Variants in C1orf21 observed in about 807,000 individuals in gnomAD.
C1orf21 encodes the protein chromosome 1 open reading frame 21.
A neutral mutation model predicts 18.7 loss-of-function variants in C1orf21; 3 were observed. The ratio of observed to expected loss-of-function variants is 0.16; its 90% confidence interval spans 0.07 to 0.42. C1orf21 has a LOEUF of 0.42. Among genes scored for constraint, C1orf21 ranks in the 10% least tolerant of loss-of-function variants. The pLI is 0.99. For synonymous variants in C1orf21, 41 were observed against 46.4 expected, an observed-to-expected ratio of 0.88 and a Z score of 0.47; for missense variants, 104 against 143.6, an observed-to-expected ratio of 0.72 and a Z score of 1.41.
chr1:184,414,413 T>C (rs1656414096), intron 1 of C1orf21, among the ~76,000 whole-genome samples: 1 of 152,176 alleles, frequency 6.6e-6, no homozygotes, highest in Non-Finnish European at 1.5e-5. Context: ...TAGGTGTAAG[T>C]CACTATGCTC....
intron 1 of C1orf21, among the ~76,000 whole-genome samples, chr1:184,409,241 T>C (rs144919878): frequency 2.6e-5 from 4 of 152,278 alleles, no homozygotes; most frequent in African/African-American, 9.6e-5. Flanking sequence ...GCCCAGAAAA[T>C]CTGCTGTTTG....
chr1:184,479,702 C>T (rs969240025), intron 2 of C1orf21, among the ~76,000 whole-genome samples: 1 of 146,932 alleles, frequency 6.8e-6, no homozygotes, highest in Non-Finnish European at 1.5e-5. Context: ...TCACTGCTGC[C>T]TTGACTTCCT....
chr1:184,580,268 G>C (rs1056593371), intron 3 of C1orf21, among the ~76,000 whole-genome samples: 1 of 152,136 alleles, frequency 6.6e-6, no homozygotes, highest in Non-Finnish European at 1.5e-5. Flanking sequence ...TTCATCTCCT[G>C]TTACAATCCT....
At chr1:184,489,307 A>G (rs1442269164) in intron 2 of C1orf21, among the ~76,000 whole-genome samples, 1 of 152,216 alleles carries the variant, frequency 6.6e-6, no homozygotes, top group Non-Finnish European at 1.5e-5. Context: ...AATTCAAAAG[A>G]GAAAAAATAT....
chr1:184,438,361 G>A (rs933189685), intron 1 of C1orf21, among the ~76,000 whole-genome samples: 1 of 152,226 alleles, frequency 6.6e-6, no homozygotes. Flanking sequence ...CAGCTTGTCT[G>A]CATCACCCAG....
intron 1 of C1orf21, among the ~76,000 whole-genome samples, chr1:184,443,128 C>T (rs974560731): frequency 8.5e-5 from 13 of 152,190 alleles, no homozygotes; most frequent in African/African-American, 2.9e-4. Context: ...AGGAGTTCCT[C>T]TGCTTGCAGG....
intron 1 of C1orf21, among the ~76,000 whole-genome samples, chr1:184,400,237 C>G (rs941175249): frequency 2.0e-5 from 3 of 152,052 alleles, no homozygotes; most frequent in African/African-American, 7.2e-5. Flanking sequence ...ACTTTTTCTA[C>G]CCCAGATCTT....
At chr1:184,388,502 A>G (rs894499431) in intron 1 of C1orf21, among the ~76,000 whole-genome samples, 4 of 152,156 alleles carry the variant, frequency 2.6e-5, no homozygotes, top group Non-Finnish European at 5.9e-5. Flanking sequence ...TCAGTTACTG[A>G]AGCAATTCTG....
intron 3 of C1orf21, chr1:184,566,471 T>C (rs1357580265): frequency 3.9e-6 from 1 of 258,158 alleles, no homozygotes; most frequent in Non-Finnish European, 7.5e-6. Context: ...CTTGTTGTTC[T>C]CACCTCAACC....
intron 3 of C1orf21, among the ~76,000 whole-genome samples, chr1:184,528,586 A>G (rs1193786806): frequency 1.3e-5 from 2 of 152,098 alleles, no homozygotes; most frequent in Non-Finnish European, 2.9e-5. Flanking sequence ...CTGAGATTAC[A>G]GGCGCCTGCT....
chr1:184,474,664 T>C (rs1372226851), intron 1 of C1orf21, among the ~76,000 whole-genome samples: 4 of 152,130 alleles, frequency 2.6e-5, no homozygotes, highest in Non-Finnish European at 4.4e-5. Context: ...AAGAGGATGA[T>C]TGTTAAGTTG....
intron 1 of C1orf21, among the ~76,000 whole-genome samples, chr1:184,394,667 A>G (rs1259708567): frequency 1.3e-5 from 2 of 152,210 alleles, no homozygotes; most frequent in African/African-American, 2.4e-5. Context: ...TTTGCAGGAA[A>G]CTTCTCAAAG....
rs540016104 is a variant in C1orf21, at chr1:184,448,939, A to G, written c.-124-28447A>G. Among the ~76,000 whole-genome samples, 8 of 152,314 alleles carry G rather than the reference A, an allele frequency of 5.3e-5. No homozygotes were observed. In the East Asian group the frequency reaches 1.2e-3, roughly 22 times the overall value. On this transcript the variant is annotated intron_variant, in intron 1 of 5. Coordinates refer to ENST00000235307, the MANE Select transcript of C1orf21 (RefSeq NM_030806.4). ...GATTTGAAATAATACACTTTCTTCC[A>G]AATCTTCCTGCCTAAATATATGTAT...
chr1:184,393,363 C>T lies in C1orf21; in HGVS notation c.-125+5995C>T, dbSNP rs114918452. 6.8e-3 allele frequency among the ~76,000 whole-genome samples: 1,040 copies of T among 152,262 alleles called. 11 individuals carry two copies. Among genetic ancestry groups the T allele is most frequent in the African/African-American group, 0.024 (1,002 of 41,536 alleles). On this transcript the variant is annotated intron_variant, in intron 1 of 5. Transcript: ENST00000235307. ...CCTCCTCCCTTCTTCCTCCCACCCA[C>T]TTCTCTCCATCAAGCTTTTAGATCT...
intron 1 of C1orf21, among the ~76,000 whole-genome samples, chr1:184,393,468 A>T (rs972553473): frequency 6.6e-6 from 1 of 152,232 alleles, no homozygotes; most frequent in Non-Finnish European, 1.5e-5. Flanking sequence ...ATGAGTTGAC[A>T]TCCACATACT....
intron 3 of C1orf21, among the ~76,000 whole-genome samples, chr1:184,532,000 C>T (rs979423826): frequency 2.6e-5 from 4 of 151,264 alleles, no homozygotes; most frequent in African/African-American, 9.7e-5. Flanking sequence ...TGTTGGTATA[C>T]ATTTGATTAA....
intron 3 of C1orf21, chr1:184,567,672 T>A: frequency 2.6e-6 from 1 of 391,492 alleles, no homozygotes; most frequent in East Asian, 6.5e-5. Flanking sequence ...TTGAGTTTCA[T>A]ACTGGTCAAG....
chr1:184,561,564 C>T (rs1658966054), intron 3 of C1orf21, among the ~76,000 whole-genome samples: 1 of 152,138 alleles, frequency 6.6e-6, no homozygotes, highest in African/African-American at 2.4e-5. Context: ...TGAAAAGCAA[C>T]TTTTGATTCC....
intron 3 of C1orf21, among the ~76,000 whole-genome samples, chr1:184,525,809 T>G (rs918328486): frequency 6.6e-6 from 1 of 152,160 alleles, no homozygotes; most frequent in Non-Finnish European, 1.5e-5. Context: ...ATCAAAAGCC[T>G]GTTGCTTTTC....
Sources: gnomAD v4.1 joint callset for allele counts (sites outside exome capture counted in the v4.1 genomes callset) on GRCh38, gnomAD v4.1.1 for gene constraint, MANE v1.5 for transcripts, NCBI Gene and HGNC (gene_info 2026-07-23, HGNC 2026-07-21) for gene names.